Variants in LRRC3 observed in about 807,000 individuals in gnomAD.
The protein encoded by LRRC3 is leucine rich repeat containing 3.
For missense variants in LRRC3, 351 were observed against 361.6 expected, an observed-to-expected ratio of 0.97 and a Z score of 0.24; for synonymous variants, 172 against 164.1, an observed-to-expected ratio of 1.05 and a Z score of -0.37.
At position 44,459,461 on chromosome 21, in the gene LRRC3, G is replaced by C. The variant is rs1359786919; in HGVS notation, c.*2043G>C. 1 of 152,378 alleles carries C rather than the reference G, an allele frequency of 6.6e-6. No homozygotes were observed. Among genetic ancestry groups the C allele is most frequent in the Non-Finnish European group, 1.5e-5 (1 of 68,154 alleles). 9.4% of individuals were successfully genotyped at this position (152,378 alleles called of 1,614,324 possible). A position where few individuals can be genotyped will look rare whatever the true frequency, so the allele number is the denominator to read the frequency against. On this transcript the variant is annotated 3_prime_UTR_variant, in exon 2 of 2. Transcript: ENST00000291592. ...TGAACTGTTGCTGGCCTGGCCAGCA[G>C]GCCTAGGGTCACATGGTGATTGGCG...
Position 44,457,716 on chromosome 21 carries a change from C to A in LRRC3, c.*298C>A. On this transcript the variant is annotated 3_prime_UTR_variant, in exon 2 of 2. Transcript: ENST00000291592. Reference sequence around the variant, plus strand: ...TGACATTCCGCCTCCTTCCACCATGCCAGCCTCTCCCACACGGGGCCCTGC... The same window carrying A: ...TGACATTCCGCCTCCTTCCACCATGACAGCCTCTCCCACACGGGGCCCTGC... 1 of 437,702 alleles carries A rather than the reference C, an allele frequency of 2.3e-6. No homozygotes were observed. Among genetic ancestry groups the A allele is most frequent in the East Asian group, 4.6e-5 (1 of 21,968 alleles). The allele number at this position is 437,702 out of a possible 1,614,324, so 27.1% of individuals were successfully genotyped here. A position where few individuals can be genotyped will look rare whatever the true frequency, so the allele number is the denominator to read the frequency against.
Position 44,457,063 on chromosome 21 carries a change from T to TA in LRRC3, c.420dup (p.Arg141ThrfsTer134). ...GCCCTGGGCAAACTCAGCGCCAAGA[T>TA]ACGCCTGTCCCACAACCCCCTGCAC... is the stretch of plus-strand genomic sequence containing the variant. On this transcript the variant is annotated frameshift_variant, in exon 2 of 2. Transcript: ENST00000291592. LOFTEE classifies it low-confidence loss of function (END_TRUNC). 6.2e-7 allele frequency: 1 copy of TA among 1,608,114 alleles called. No individual in the cohort carries two copies. Among genetic ancestry groups the TA allele is most frequent in the South Asian group, 1.1e-5 (1 of 91,062 alleles).
chr21:44,456,283 C>T (rs2051698779), intron 1 of LRRC3, among the ~76,000 whole-genome samples: 1 of 152,216 alleles, frequency 6.6e-6, no homozygotes, highest in Non-Finnish European at 1.5e-5. Context: ...AGTGCCAGCT[C>T]CCTGCACTTG....
At position 44,457,217 on chromosome 21, in the gene LRRC3, G is replaced by A. The variant is rs147222046; in HGVS notation, c.573G>A (p.Ala191=). The A allele has an allele frequency of 3.9e-5, 63 of 1,613,952 alleles. No individual in the cohort carries two copies. In the African/African-American group the frequency reaches 6.5e-4, roughly 17 times the overall value. The change falls in exon 2 of 2, where the codon GCG becomes GCA. Residue 191 remains alanine (A), a synonymous_variant. Transcript: ENST00000291592. The stretch of plus-strand genomic sequence containing the variant: ...AGCCTCTGGTTCAGGCTCTGGATGC[G>A]GGTGCCAGCCTCTGCAGCGTCCCCC... ...VGKPLVQALD[A]GASLCSVPHR...
Position 44,456,765 on chromosome 21 carries a change from GAC to G in LRRC3, c.122_123del (p.Asp41AlafsTer233). 2 of 1,610,758 alleles carry G rather than the reference GAC, an allele frequency of 1.2e-6. No homozygotes were observed. Among genetic ancestry groups the G allele is most frequent in the Non-Finnish European group, 1.7e-6 (2 of 1,179,880 alleles). ...AACPQPCRCP[D>X]HAGAVAVFCS... ...CTGCCCACAGCCCTGCCGGTGCCCTGACCACGCAGGGGCTGTGGCTGTCTTCT... is the reference window on the plus strand; with the variant it reads ...CTGCCCACAGCCCTGCCGGTGCCCTGCACGCAGGGGCTGTGGCTGTCTTCT... On this transcript the variant is annotated frameshift_variant, in exon 2 of 2. Coordinates refer to ENST00000291592, the MANE Select transcript of LRRC3 (RefSeq NM_030891.6). LOFTEE classifies it low-confidence loss of function (END_TRUNC).
Position 44,458,284 on chromosome 21 carries a change from C to T in LRRC3, c.*866C>T, listed in dbSNP as rs1468990800. 1 of 153,902 alleles carries T rather than the reference C, an allele frequency of 6.5e-6. No homozygotes were observed. The highest frequency in any genetic ancestry group is 1.5e-5 in the Non-Finnish European group (1 of 68,070). The allele number at this position is 153,902 out of a possible 1,614,324, so 9.5% of individuals were successfully genotyped here. On this transcript the variant is annotated 3_prime_UTR_variant, in exon 2 of 2. Transcript: ENST00000291592. ...GCTCAATCACTTCTGCTGCCTCAGC[C>T]TCCCTAGTAGCTGGAATTACAGGCA...
At chr21:44,456,429 G>A (rs1016072616) in intron 1 of LRRC3, 69 bp from the exon 2 acceptor site, 4 of 580,118 alleles carry the variant, frequency 6.9e-6, no homozygotes, top group African/African-American at 5.6e-5. Context: ...GCGTTTCCCA[G>A]GTGACCGCAG....
In LRRC3 at chr21:44,457,232, C is replaced by T. The variant is rs1331575832; in HGVS notation, c.588C>T (p.Cys196=). 1 of 1,613,974 alleles carries T rather than the reference C, an allele frequency of 6.2e-7. No individual in the cohort carries two copies. Among genetic ancestry groups the T allele is most frequent in the South Asian group, 1.1e-5 (1 of 91,090 alleles). Residue 196 remains cysteine (C), a synonymous_variant, in exon 2 of 2, where the codon TGC becomes TGT. Transcript: ENST00000291592. ...VQALDAGASL[C]SVPHRTTDVA... Reference sequence around the variant, plus strand: ...CTCTGGATGCGGGTGCCAGCCTCTGCAGCGTCCCCCACAGGACCACAGACG... The same window carrying T: ...CTCTGGATGCGGGTGCCAGCCTCTGTAGCGTCCCCCACAGGACCACAGACG...
chr21:44,456,887 CG>C lies in LRRC3; in HGVS notation c.247del (p.Ala83ProfsTer78). 1 of 1,610,366 alleles carries C rather than the reference CG, an allele frequency of 6.2e-7. No homozygotes were observed. Among genetic ancestry groups the C allele is most frequent in the African/African-American group, 1.3e-5 (1 of 75,040 alleles). On this transcript the variant is annotated frameshift_variant, in exon 2 of 2. Coordinates refer to ENST00000291592, the MANE Select transcript of LRRC3 (RefSeq NM_030891.6). LOFTEE classifies it low-confidence loss of function (END_TRUNC). ...CCAACAAGATCTCCCACCTCCCGGA[CG>C]GGGCCTTCCAGCACCTGCACCGGCT... Reference protein sequence around the residue: ...DANKISHLPDGAFQHLHRLRE... With the variant: ...DANKISHLPDXAFQHLHRLRE...
chr21:44,462,127 G>A lies in LRRC3; in HGVS notation c.*4709G>A, dbSNP rs1368097129. 5 of 152,322 alleles carry A rather than the reference G, an allele frequency of 3.3e-5. No individual in the cohort carries two copies. Among genetic ancestry groups the A allele is most frequent in the Non-Finnish European group, 5.9e-5 (4 of 68,108 alleles). The allele number at this position is 152,322 out of a possible 1,614,324, so 9.4% of individuals were successfully genotyped here. On this transcript the variant is annotated 3_prime_UTR_variant, in exon 2 of 2. Coordinates refer to ENST00000291592, the MANE Select transcript of LRRC3 (RefSeq NM_030891.6). The surrounding 1 kb of genome is among the most constrained non-coding windows in gnomAD (Gnocchi z 4.2). ...GGGCCATGCTGCTGGCCCAGCCTGT[G>A]CCGGTGTCTGTTTCTGTTGTCTCTC...
In LRRC3 at chr21:44,456,948, G is replaced by A. The variant is rs1300133953; in HGVS notation, c.304G>A (p.Ala102Thr). The stretch of plus-strand genomic sequence containing the variant: ...GGATCTGTCTCACAACGCCATCGAG[G>A]CCATCGGCTCCGCCACCTTCGCGGG... ...ELDLSHNAIE[A>T]IGSATFAGLA... is the part of the protein sequence containing the mutation. Residue 102 changes from alanine to threonine, a missense_variant, in exon 2 of 2, where the codon GCC (alanine) becomes ACC (threonine). Physicochemically the swap from Ala to Thr is moderately conservative, Grantham distance 58. Transcript: ENST00000291592. 3.7e-6 allele frequency: 6 copies of A among 1,609,056 alleles called. No homozygotes were observed. The African/African-American group carries it at 4.0e-5, about 11-fold the overall frequency.
At position 44,457,469 on chromosome 21, in the gene LRRC3, G is replaced by A. The variant is rs1398658945; in HGVS notation, c.*51G>A. On this transcript the variant is annotated 3_prime_UTR_variant, in exon 2 of 2. Coordinates refer to ENST00000291592, the MANE Select transcript of LRRC3 (RefSeq NM_030891.6). ...GTGGCTGCTGTCACTTTTGTAGTAGGTGGTGACTGATGCTGCTTTTGCTCT... is the reference window on the plus strand; with the variant it reads ...GTGGCTGCTGTCACTTTTGTAGTAGATGGTGACTGATGCTGCTTTTGCTCT... 3 of 1,523,106 alleles carry A rather than the reference G, an allele frequency of 2.0e-6. No individual in the cohort carries two copies. Among genetic ancestry groups the A allele is most frequent in the Non-Finnish European group, 2.6e-6 (3 of 1,132,134 alleles). The allele number at this position is 1,523,106 out of a possible 1,614,324, so 94.3% of individuals were successfully genotyped here. A position where few individuals can be genotyped will look rare whatever the true frequency, so the allele number is the denominator to read the frequency against.
chr21:44,457,426 TC>T lies in LRRC3; in HGVS notation c.*10del, dbSNP rs1301495270. The T allele has an allele frequency of 6.4e-7, 1 of 1,557,558 alleles. No individual in the cohort carries two copies. Among genetic ancestry groups the T allele is most frequent in the African/African-American group, 1.4e-5 (1 of 73,390 alleles). On this transcript the variant is annotated 3_prime_UTR_variant, in exon 2 of 2. Coordinates refer to ENST00000291592, the MANE Select transcript of LRRC3 (RefSeq NM_030891.6). Reference sequence around the variant, plus strand: ...ATCGGCCCGGGGCCCTAGCGCCTGTTCCGGCAGACCCCCGCCGGTGGCTGCT... The same window carrying T: ...ATCGGCCCGGGGCCCTAGCGCCTGTTCGGCAGACCCCCGCCGGTGGCTGCT...
Position 44,457,194 on chromosome 21 carries a change from CCTCTGGTTCAGG to C in LRRC3, c.557_568del (p.Val186_Leu189del). The C allele has an allele frequency of 2.5e-6, 4 of 1,613,988 alleles. No homozygotes were observed. The highest frequency in any genetic ancestry group is 3.4e-6 in the Non-Finnish European group (4 of 1,180,040). On this transcript the variant is annotated inframe_deletion, in exon 2 of 2. Coordinates refer to ENST00000291592, the MANE Select transcript of LRRC3 (RefSeq NM_030891.6). ...AGTGCAGGAGGAGTTTGTGGGGAAG[CCTCTGGTTCAGG>C]CTCTGGATGCGGGTGCCAGCCTCTG...
rs774094698 is a variant in LRRC3 at position 44,456,928 on chromosome 21, T to C, written c.284T>C (p.Leu95Pro). 2 of 1,610,814 alleles carry C rather than the reference T, an allele frequency of 1.2e-6. No homozygotes were observed. Among genetic ancestry groups the C allele is most frequent in the Non-Finnish European group, 1.7e-6 (2 of 1,179,864 alleles). Residue 95 changes from leucine to proline, a missense_variant, in exon 2 of 2, where the codon CTG (leucine) becomes CCG (proline). Physicochemically the swap from Leu to Pro is moderately conservative, Grantham distance 98. Coordinates refer to ENST00000291592, the MANE Select transcript of LRRC3 (RefSeq NM_030891.6). ...QHLHRLRELD[L>P]SHNAIEAIGS... ...CTGCACCGGCTCAGGGAGCTGGATC[T>C]GTCTCACAACGCCATCGAGGCCATC...
chr21:44,456,756 C>G lies in LRRC3; in HGVS notation c.112C>G (p.Arg38Gly), dbSNP rs142928276. 15 of 1,610,220 alleles carry G rather than the reference C, an allele frequency of 9.3e-6. No individual in the cohort carries two copies. In the African/African-American group the frequency reaches 1.7e-4, roughly 19 times the overall value. Residue 38 changes from arginine to glycine, a missense_variant, in exon 2 of 2, where the codon CGG becomes GGG. Coordinates refer to ENST00000291592, the MANE Select transcript of LRRC3 (RefSeq NM_030891.6). ...GGGCGCCGCCTGCCCACAGCCCTGC[C>G]GGTGCCCTGACCACGCAGGGGCTGT... is the stretch of plus-strand genomic sequence containing the variant. The part of the protein sequence containing the change: ...HLGAACPQPC[R>G]CPDHAGAVAV...
In LRRC3 at chr21:44,457,915, T is replaced by G. The variant is rs1257423172; in HGVS notation, c.*497T>G. Reference sequence around the variant, plus strand: ...CATTGTAGGTAAACATGAGCCTTGTTCCAGTGTTCGAAGTACATTGGAACG... The same window carrying G: ...CATTGTAGGTAAACATGAGCCTTGTGCCAGTGTTCGAAGTACATTGGAACG... On this transcript the variant is annotated 3_prime_UTR_variant, in exon 2 of 2. Transcript: ENST00000291592. 1 of 172,456 alleles carries G rather than the reference T, an allele frequency of 5.8e-6. No individual in the cohort carries two copies. The highest frequency in any genetic ancestry group is 2.4e-5 in the African/African-American group (1 of 41,600). The allele number at this position is 172,456 out of a possible 1,614,324, so 10.7% of individuals were successfully genotyped here. A position where few individuals can be genotyped will look rare whatever the true frequency, so the allele number is the denominator to read the frequency against.
In LRRC3 at chr21:44,459,676, G is replaced by C. The variant is rs1165826232; in HGVS notation, c.*2258G>C. On this transcript the variant is annotated 3_prime_UTR_variant, in exon 2 of 2. Transcript: ENST00000291592. The stretch of plus-strand genomic sequence containing the variant: ...TGGGGTGCCCTTTCCCTGCTGCCAG[G>C]GGACTCTTCATTTGTCCTTACCCTA... 4 of 152,984 alleles carry C rather than the reference G, an allele frequency of 2.6e-5. No individual in the cohort carries two copies. Among genetic ancestry groups the C allele is most frequent in the African/African-American group, 9.7e-5 (4 of 41,426 alleles). 9.5% of individuals were successfully genotyped at this position (152,984 alleles called of 1,614,324 possible).
In LRRC3 at chr21:44,457,706, T is replaced by G; in HGVS notation, c.*288T>G. 2.2e-6 allele frequency: 1 copy of G among 445,428 alleles called. No individual in the cohort carries two copies. The highest frequency in any genetic ancestry group is 3.1e-5 in the South Asian group (1 of 32,494). 27.6% of individuals were successfully genotyped at this position (445,428 alleles called of 1,614,324 possible). A position where few individuals can be genotyped will look rare whatever the true frequency, so the allele number is the denominator to read the frequency against. ...CTGTCCATCGTGACATTCCGCCTCC[T>G]TCCACCATGCCAGCCTCTCCCACAC... is the stretch of plus-strand genomic sequence containing the variant. On this transcript the variant is annotated 3_prime_UTR_variant, in exon 2 of 2. Transcript: ENST00000291592.
Sources: gnomAD v4.1 joint callset for allele counts (sites outside exome capture counted in the v4.1 genomes callset) on GRCh38, gnomAD v4.1.1 for gene constraint, Gnocchi (gnomAD v3.1) non-coding constraint, MANE v1.5 for transcripts, NCBI Gene and HGNC (gene_info 2026-07-23, HGNC 2026-07-21) for gene names.